Variants in ST7 observed in about 807,000 individuals in gnomAD.
ST7 encodes suppressor of tumorigenicity 7 protein.
ST7 carries 28 observed loss-of-function variants against 78.7 expected under a neutral mutation model. That is an observed-to-expected ratio of 0.36 (90% CI 0.26 to 0.49). The LOEUF is 0.49. Among genes scored for constraint, ST7 ranks in the 20% least tolerant of loss-of-function variants. The pLI, the probability that ST7 is intolerant of heterozygous loss-of-function variation, is 0.99. For missense variants in ST7, 418 were observed against 696.0 expected, an observed-to-expected ratio of 0.60 and a Z score of 4.49; for synonymous variants, 247 against 249.6, an observed-to-expected ratio of 0.99 and a Z score of 0.10.
intron 1 of ST7, among the ~76,000 whole-genome samples, chr7:117,089,491 A>G (rs1800416441): frequency 6.6e-6 from 1 of 152,114 alleles, no homozygotes; most frequent in African/African-American, 2.4e-5. Context: ...AAACAAAACA[A>G]AACAAAAAAA....
chr7:117,084,657 A>G (rs1356382324), intron 1 of ST7, among the ~76,000 whole-genome samples: 1 of 152,188 alleles, frequency 6.6e-6, no homozygotes, highest in Non-Finnish European at 1.5e-5. Context: ...AAAATTTACT[A>G]AGACACCATG....
At chr7:117,188,414 A>G (rs2117378357) in intron 10 of ST7, among the ~76,000 whole-genome samples, 1 of 152,342 alleles carries the variant, frequency 6.6e-6, no homozygotes, top group African/African-American at 2.4e-5. Flanking sequence ...TTTCTGTGTC[A>G]TAGTGTAAAT....
chr7:117,056,928 T>G (rs1798093253), intron 1 of ST7, among the ~76,000 whole-genome samples: 2 of 152,212 alleles, frequency 1.3e-5, no homozygotes, highest in South Asian at 2.1e-4. Flanking sequence ...TATAAGAGAT[T>G]CCTTTACATC....
At chr7:117,193,951 A>G (rs969667333) in intron 12 of ST7, among the ~76,000 whole-genome samples, 3 of 152,218 alleles carry the variant, frequency 2.0e-5, no homozygotes, top group Admixed American at 6.5e-5. Context: ...AATACTAGTC[A>G]TTTACCTTCG....
intron 1 of ST7, chr7:117,098,718 A>G: frequency 8.1e-7 from 1 of 1,230,348 alleles, no homozygotes; most frequent in Non-Finnish European, 1.1e-6. Flanking sequence ...CTTTCCCTCT[A>G]ATGACATCAA....
chr7:116,999,750 A>G (rs1227025455), intron 1 of ST7, among the ~76,000 whole-genome samples: 2 of 151,226 alleles, frequency 1.3e-5, no homozygotes, highest in Non-Finnish European at 2.9e-5. Flanking sequence ...ATACTAAATA[A>G]CTTGGTCTAC....
intron 1 of ST7, among the ~76,000 whole-genome samples, chr7:117,054,353 T>C (rs965644305): frequency 1.3e-5 from 2 of 152,220 alleles, no homozygotes; most frequent in Non-Finnish European, 2.9e-5. Context: ...CAAGCTGGTC[T>C]CCAGTGTTGC....
intron 1 of ST7, among the ~76,000 whole-genome samples, chr7:117,060,921 G>T (rs760843682): frequency 6.6e-5 from 10 of 152,100 alleles, no homozygotes; most frequent in Non-Finnish European, 1.0e-4. Context: ...CAGGACAATC[G>T]CTTGAACCTG....
chr7:117,192,462 G>C (rs1160817064), intron 12 of ST7, among the ~76,000 whole-genome samples: 4 of 152,148 alleles, frequency 2.6e-5, no homozygotes, highest in Non-Finnish European at 4.4e-5. Context: ...TATAAGCCCT[G>C]CCTATCTTCT....
intron 2 of ST7, among the ~76,000 whole-genome samples, chr7:117,100,152 T>G (rs1801461136): frequency 6.6e-6 from 1 of 152,102 alleles, no homozygotes; most frequent in Non-Finnish European, 1.5e-5. Context: ...TATTGTAAAA[T>G]AAATGTAACT....
chr7:116,976,213 G>A (rs926761131), intron 1 of ST7, among the ~76,000 whole-genome samples: 3 of 152,064 alleles, frequency 2.0e-5, no homozygotes, highest in African/African-American at 4.8e-5. Context: ...GCAGTGAGCC[G>A]AGATCAGGCC....
At chr7:117,162,285 T>TACTGAATGAATGATTAATGTTA (rs1216680494) in intron 9 of ST7, among the ~76,000 whole-genome samples, 1 of 152,134 alleles carries the variant, frequency 6.6e-6, no homozygotes, top group African/African-American at 2.4e-5. Flanking sequence ...TGTTAATGTT[T>TACTGAATGAATGATTAATGTTA]ACTGAATGAA....
At chr7:117,196,668 A>C (rs1430784003) in intron 12 of ST7, among the ~76,000 whole-genome samples, 1 of 38,978 alleles carries the variant, frequency 2.6e-5, no homozygotes, top group Admixed American at 5.1e-4. Context: ...GAGTTGTAGG[A>C]GTTGCTTATA....
chr7:117,230,058 C>T lies in ST7; in HGVS notation c.*201C>T, dbSNP rs770711271. 3.6e-5 allele frequency: 26 copies of T among 720,090 alleles called. No homozygotes were observed. The highest frequency in any genetic ancestry group is 2.6e-6 in the Non-Finnish European group (1 of 388,978). The allele number at this position is 720,090 out of a possible 1,614,324, so 44.6% of individuals were successfully genotyped here. The stretch of plus-strand genomic sequence containing the variant: ...GTTCAGTTCTATTTTATTTTGCCTT[C>T]AGAAAAGAAGAAAGTCAAAAATAAA... On this transcript the variant is annotated 3_prime_UTR_variant, in exon 16 of 16. Transcript: ENST00000323984.
Position 117,189,381 on chromosome 7 carries a change from C to G in ST7, c.1139C>G (p.Ala380Gly). The change falls in exon 11 of 16, where the codon GCT (alanine) becomes GGT (glycine). Residue 380 changes from alanine to glycine, a missense_variant. Coordinates refer to ENST00000323984, the MANE Select transcript of ST7 (RefSeq NM_001369598.1). ...CYTAALLKAR[A>G]VSDKFSPEAA... ...ACAGCTGCTTTGCTCAAAGCAAGAG[C>G]TGTCTCTGACAAGTAAGTGAATAAT... is the stretch of plus-strand genomic sequence containing the variant. 1 of 1,604,018 alleles carries G rather than the reference C, an allele frequency of 6.2e-7. No individual in the cohort carries two copies. The highest frequency in any genetic ancestry group is 8.5e-7 in the Non-Finnish European group (1 of 1,174,444).
intron 1 of ST7, among the ~76,000 whole-genome samples, chr7:117,056,247 G>A (rs1798057258): frequency 6.6e-6 from 1 of 152,204 alleles, no homozygotes; most frequent in African/African-American, 2.4e-5. Flanking sequence ...CACTAGGTGA[G>A]ATGGGAAAGC....
chr7:117,103,603 A>G (rs970086051), intron 2 of ST7, among the ~76,000 whole-genome samples: 2 of 150,262 alleles, frequency 1.3e-5, no homozygotes, highest in Non-Finnish European at 3.0e-5. Flanking sequence ...TCAAATCAAA[A>G]TGGATTAAAT....
At chr7:117,152,610 A>G (rs1305481156) in intron 9 of ST7, among the ~76,000 whole-genome samples, 5 of 152,086 alleles carry the variant, frequency 3.3e-5, no homozygotes, top group Non-Finnish European at 7.4e-5. Context: ...AATAATTTCA[A>G]TAGGTTTTGT....
intron 1 of ST7, among the ~76,000 whole-genome samples, chr7:116,958,162 A>ATTTTTTTTTTT (rs34132237): frequency 6.3e-5 from 6 of 95,612 alleles, no homozygotes; most frequent in Admixed American, 2.8e-4. Flanking sequence ...TGCGTGGCTA[A>ATTTTTTTTTTT]TTTTTTTTTT....
Sources: allele counts gnomAD v4.1 joint callset (sites outside exome capture counted in the v4.1 genomes callset), GRCh38; gene constraint gnomAD v4.1.1; transcripts MANE v1.5; gene names NCBI Gene and HGNC (gene_info 2026-07-23, HGNC 2026-07-21).